KCNIP4: variants seen among roughly 807,000 people sequenced by gnomAD.
KCNIP4 encodes potassium voltage-gated channel interacting protein 4.
In KCNIP4, 12 loss-of-function variants were observed where a neutral mutation model predicts 34.0. The observed-to-expected ratio is 0.35, with a 90% confidence interval of 0.23 to 0.57. The LOEUF (loss-of-function observed/expected upper bound fraction) is 0.57, where lower values mean the gene tolerates loss of function less well. KCNIP4 is among the 20% of genes least tolerant of loss of function. KCNIP4 has a pLI of 0.83. For missense variants in KCNIP4, 238 were observed against 311.7 expected (o/e 0.76, Z 1.78); for synonymous variants, 124 against 102.2 (o/e 1.21, Z -1.29).
chr4:21,254,214 G>C (rs778135416), intron 1 of KCNIP4, among the ~76,000 whole-genome samples: 1 of 152,164 alleles, frequency 6.6e-6, no homozygotes, highest in Non-Finnish European at 1.5e-5. Context: ...AAAGCAATCT[G>C]TGCTAAGAGT....
chr4:21,489,750 A>G (rs1367097669), intron 1 of KCNIP4, among the ~76,000 whole-genome samples: 1 of 152,140 alleles, frequency 6.6e-6, no homozygotes, highest in Non-Finnish European at 1.5e-5. Context: ...TCTAATTAAA[A>G]TATGTCACTG....
chr4:21,167,199 G>T (rs1753695708), intron 1 of KCNIP4, among the ~76,000 whole-genome samples: 1 of 151,984 alleles, frequency 6.6e-6, no homozygotes, highest in Non-Finnish European at 1.5e-5. Flanking sequence ...TGTTTTCCTG[G>T]GGAAGGTGGT....
chr4:21,904,954 A>G (rs1727911018), intron 1 of KCNIP4, among the ~76,000 whole-genome samples: 1 of 152,174 alleles, frequency 6.6e-6, no homozygotes, highest in Non-Finnish European at 1.5e-5. Flanking sequence ...TAGTACTTAG[A>G]ACACAGTGAT....
intron 1 of KCNIP4, among the ~76,000 whole-genome samples, chr4:21,216,609 T>C (rs1757593992): frequency 6.6e-6 from 1 of 152,184 alleles, no homozygotes; most frequent in Admixed American, 6.5e-5. Flanking sequence ...GGTAACTTGT[T>C]CAATGTCACA....
intron 1 of KCNIP4, among the ~76,000 whole-genome samples, chr4:21,389,244 G>A (rs547335487): frequency 3.9e-5 from 6 of 151,942 alleles, no homozygotes; most frequent in Non-Finnish European, 7.4e-5. Context: ...GTCTCCCAAA[G>A]TGCCGGGATT....
chr4:20,986,173 G>C (rs1278118673), intron 1 of KCNIP4, among the ~76,000 whole-genome samples: 1 of 152,078 alleles, frequency 6.6e-6, no homozygotes. Flanking sequence ...TGCCACCCCT[G>C]CTCCAAGGTC....
At chr4:21,562,320 T>C (rs1577599949) in intron 1 of KCNIP4, among the ~76,000 whole-genome samples, 1 of 151,722 alleles carries the variant, frequency 6.6e-6, no homozygotes, top group East Asian at 1.9e-4. Context: ...ATGCTTAGAG[T>C]TTAAGTGACT....
Position 21,879,850 on chromosome 4 carries a change from G to T in KCNIP4, c.61+68721C>A, listed in dbSNP as rs531562150. 4.6e-5 allele frequency among the ~76,000 whole-genome samples: 7 copies of T among 152,200 alleles called. No individual in the cohort carries two copies. The East Asian group carries it at 7.7e-4, about 17-fold the overall frequency. ...GGGAGGTAATTGAATCATGGAGGCA[G>T]TTACCTCCACGTTAGTCTCATGATC... On this transcript the variant is annotated intron_variant, in intron 1 of 8. Transcript: ENST00000382152.
At chr4:20,896,865 T>A (rs1726590920) in intron 1 of KCNIP4, among the ~76,000 whole-genome samples, 3 of 151,874 alleles carry the variant, frequency 2.0e-5, no homozygotes. Flanking sequence ...GAACAATGTC[T>A]GCACACACAG....
chr4:20,736,645 ATT>A lies in KCNIP4; in HGVS notation c.430-1912_430-1911del, dbSNP rs1231424132. Among the ~76,000 whole-genome samples, 8 of 152,308 alleles carry A rather than the reference ATT, an allele frequency of 5.3e-5. No individual in the cohort carries two copies. In the South Asian group the frequency reaches 1.0e-3, roughly 20 times the overall value. ...TTACATAATGAAAATGATAATAGAT[ATT>A]CTTAGTTTTTTCTTGAACTTGAGAA... is the stretch of plus-strand genomic sequence containing the variant. On this transcript the variant is annotated intron_variant, in intron 5 of 8. Transcript: ENST00000382152.
chr4:20,730,127 A>G lies in KCNIP4; in HGVS notation c.708T>C (p.Asp236=). ...IDEFIESCQK[D]ENIMRSMQLF... ...GCTGCATGGAGCGCATTATGTTTTC[A>G]TCCTGTAAGGGAGAAACACAGAGCG... The change falls in exon 9 of 9, where the codon GAT becomes GAC. Residue 236 remains aspartate, a splice_region_variant and synonymous_variant. Transcript: ENST00000382152. 2 of 1,607,380 alleles carry G rather than the reference A, an allele frequency of 1.2e-6. No homozygotes were observed. Among genetic ancestry groups the G allele is most frequent in the Non-Finnish European group, 1.7e-6 (2 of 1,177,680 alleles).
At chr4:20,880,577 C>T (rs554164876) in intron 2 of KCNIP4, among the ~76,000 whole-genome samples, 7 of 152,034 alleles carry the variant, frequency 4.6e-5, no homozygotes, top group Non-Finnish European at 7.3e-5. Flanking sequence ...CTTTATCAGA[C>T]GCTGGTGCAG....
chr4:21,645,643 G>A (rs916199466), intron 1 of KCNIP4, among the ~76,000 whole-genome samples: 2 of 152,082 alleles, frequency 1.3e-5, no homozygotes, highest in Non-Finnish European at 2.9e-5. Flanking sequence ...CCCAGTCTAA[G>A]ACCTCATATC....
At chr4:20,749,616 C>T (rs774295683) in intron 5 of KCNIP4, 46 bp downstream of exon 5, 1 of 1,349,056 alleles carries the variant, frequency 7.4e-7, no homozygotes, top group East Asian at 2.4e-5. Flanking sequence ...CCTAAAAAGA[C>T]TAAACTCTAA....
At chr4:20,833,085 G>A (rs1718620508) in intron 3 of KCNIP4, among the ~76,000 whole-genome samples, 1 of 152,174 alleles carries the variant, frequency 6.6e-6, no homozygotes, top group East Asian at 1.9e-4. Flanking sequence ...CAAATGTGCA[G>A]CCTGTTGTTT....
chr4:21,490,592 A>G (rs976907712), intron 1 of KCNIP4, among the ~76,000 whole-genome samples: 1 of 152,236 alleles, frequency 6.6e-6, no homozygotes, highest in African/African-American at 2.4e-5. Context: ...TAAGATTTCT[A>G]ACAACTGAAT....
At chr4:20,852,618 C>T (rs1467366579) in intron 2 of KCNIP4, among the ~76,000 whole-genome samples, 2 of 152,112 alleles carry the variant, frequency 1.3e-5, no homozygotes, top group Non-Finnish European at 1.5e-5. Context: ...ATTAGAAATC[C>T]TAGCCAGAGC....
chr4:21,503,549 C>A (rs1577477221), intron 1 of KCNIP4, among the ~76,000 whole-genome samples: 1 of 152,172 alleles, frequency 6.6e-6, no homozygotes, highest in Admixed American at 6.5e-5. Flanking sequence ...TCAAACTAGA[C>A]ACTTAGATGG....
intron 1 of KCNIP4, among the ~76,000 whole-genome samples, chr4:20,886,347 G>A (rs1396912637): frequency 1.3e-5 from 2 of 152,186 alleles, no homozygotes; most frequent in Admixed American, 6.5e-5. Context: ...GAGCTGAAGT[G>A]GCAGAGATTA....
Sources: allele counts gnomAD v4.1 joint callset (sites outside exome capture counted in the v4.1 genomes callset), GRCh38; gene constraint gnomAD v4.1.1; transcripts MANE v1.5; gene names NCBI Gene and HGNC (gene_info 2026-07-23, HGNC 2026-07-21).